Variants in COMMD6 observed in about 807,000 individuals in gnomAD.
COMMD6 encodes COMM domain containing 6.
Under a neutral mutation model 13.4 loss-of-function variants are expected in COMMD6, and 11 were observed. The observed-to-expected ratio is 0.82, with a 90% CI of 0.52 to 1.36. COMMD6 has a LOEUF of 1.36. Ranked by LOEUF, COMMD6 falls within the 40% of genes most tolerant of loss-of-function variation. The pLI is 0.00. For synonymous variants in COMMD6, 43 were observed against 36.5 expected, an observed-to-expected ratio of 1.18 and a Z score of -0.64; for missense variants, 124 against 102.4, an observed-to-expected ratio of 1.21 and a Z score of -0.91.
At chr13:75,533,637 A>G (rs2138418787) in intron 2 of COMMD6, among the ~76,000 whole-genome samples, 1 of 152,144 alleles carries the variant, frequency 6.6e-6, no homozygotes, top group South Asian at 2.1e-4. Context: ...CAATAATCCA[A>G]GTCTGAAGTT....
chr13:75,538,172 A>G (rs1050520769), upstream of COMMD6, among the ~76,000 whole-genome samples: 9 of 152,284 alleles, frequency 5.9e-5, no homozygotes, highest in African/African-American at 2.2e-4. Flanking sequence ...CCAAATTCGG[A>G]AGGCGCTGGG....
chr13:75,544,603 C>T (rs1410007626), intron 1 of COMMD6, among the ~76,000 whole-genome samples: 1 of 151,662 alleles, frequency 6.6e-6, no homozygotes, highest in Non-Finnish European at 1.5e-5. Context: ...TCTTTACTAA[C>T]AATACAAAAA....
chr13:75,536,101 G>A (rs1832661650), intron 2 of COMMD6, among the ~76,000 whole-genome samples: 1 of 152,030 alleles, frequency 6.6e-6, no homozygotes, highest in Non-Finnish European at 1.5e-5. Flanking sequence ...TGCCCATGCT[G>A]GTCTCAAACT....
At chr13:75,546,078 T>G (rs143770885) in intron 1 of COMMD6, among the ~76,000 whole-genome samples, 1 of 152,218 alleles carries the variant, frequency 6.6e-6, no homozygotes, top group Non-Finnish European at 1.5e-5. Context: ...TGTATGCCTA[T>G]ACCAAAGCAT....
At position 75,530,198 on chromosome 13, in the gene COMMD6, A is replaced by T. The variant is rs781317485; in HGVS notation, c.123T>A (p.Pro41=). ...SSDTCRSLKY[P]YVAVMLKVAD... is the part of the protein sequence containing the mutation. ...CCACTTTTAGCATCACTGCAACGTA[A>T]GGATACTTAAGAGATCTGCAAGTGT... The change falls in exon 3 of 4, where the codon CCT becomes CCA. Residue 41 remains proline (P), a synonymous_variant. Transcript: ENST00000682242. 1 of 1,613,686 alleles carries T rather than the reference A, an allele frequency of 6.2e-7. No homozygotes were observed. The highest frequency in any genetic ancestry group is 8.5e-7 in the Non-Finnish European group (1 of 1,179,622).
upstream of COMMD6, among the ~76,000 whole-genome samples, chr13:75,542,718 T>C (rs917997484): frequency 6.6e-6 from 1 of 152,232 alleles, no homozygotes; most frequent in African/African-American, 2.4e-5. Flanking sequence ...ATTCCTCAGA[T>C]GAGTCCAGTG....
chr13:75,526,530 C>T lies in COMMD6; in HGVS notation c.*59G>A, dbSNP rs1275433717. ...GTTCCATCCTTATTTAGTTTTGTTG[C>T]CGAAAGTGAAGTCCATGACTTTAGA... On this transcript the variant is annotated 3_prime_UTR_variant, in exon 4 of 4. Transcript: ENST00000682242. The T allele has an allele frequency of 1.7e-6, 2 of 1,157,710 alleles. No individual in the cohort carries two copies. Among genetic ancestry groups the T allele is most frequent in the African/African-American group, 1.6e-5 (1 of 63,548 alleles). 71.7% of individuals were successfully genotyped at this position (1,157,710 alleles called of 1,614,324 possible).
chr13:75,543,826 C>T (rs1014857099), intron 1 of COMMD6, among the ~76,000 whole-genome samples: 1 of 152,174 alleles, frequency 6.6e-6, no homozygotes, highest in East Asian at 1.9e-4. Context: ...ATATTCAATA[C>T]TCCAAAGAAG....
At chr13:75,545,846 ACTT>A (rs1160382353) in intron 1 of COMMD6, among the ~76,000 whole-genome samples, 1 of 151,992 alleles carries the variant, frequency 6.6e-6, no homozygotes, top group African/African-American at 2.4e-5. Context: ...GCATGCATGA[ACTT>A]CTTCATAGCT....
chr13:75,533,931 T>A (rs2030578408), intron 2 of COMMD6, among the ~76,000 whole-genome samples: 1 of 152,040 alleles, frequency 6.6e-6, no homozygotes, highest in Non-Finnish European at 1.5e-5. Flanking sequence ...TTAATTCCAG[T>A]TCAATAGTGA....
upstream of COMMD6, among the ~76,000 whole-genome samples, chr13:75,540,344 C>CCACACACA (rs59520333): frequency 0.032 from 4,707 of 147,296 alleles, 132 homozygotes; most frequent in Admixed American, 0.096. Flanking sequence ...ACACACACAC[C>CCACACACA]CACACACACA....
At chr13:75,538,191 C>T (rs1331596168), upstream of COMMD6, among the ~76,000 whole-genome samples, 3 of 152,202 alleles carry the variant, frequency 2.0e-5, no homozygotes, top group Admixed American at 1.3e-4. Flanking sequence ...GGCGACCGCA[C>T]CCCCGGCACA....
At chr13:75,542,955 C>T (rs186309072), upstream of COMMD6, among the ~76,000 whole-genome samples, 46 of 152,286 alleles carry the variant, frequency 3.0e-4, no homozygotes, top group East Asian at 5.0e-3. Context: ...AGTGGTGTAC[C>T]TGGATAAAGA....
intron 1 of COMMD6, among the ~76,000 whole-genome samples, chr13:75,544,455 G>A (rs2030871522): frequency 6.6e-6 from 1 of 152,100 alleles, no homozygotes; most frequent in Non-Finnish European, 1.5e-5. Flanking sequence ...AGGTTGAAGA[G>A]TCTAGTGTTA....
chr13:75,538,189 C>T (rs1012947614), upstream of COMMD6, among the ~76,000 whole-genome samples: 4 of 152,192 alleles, frequency 2.6e-5, no homozygotes, highest in Admixed American at 6.5e-5. Flanking sequence ...TGGGCGACCG[C>T]ACCCCCGGCA....
At chr13:75,537,977 G>T, upstream of COMMD6, 1 of 539,698 alleles carries the variant, frequency 1.9e-6, no homozygotes, top group African/African-American at 1.9e-5. Context: ...ATATATCTTA[G>T]GAGACATTGA....
At chr13:75,534,388 G>T (rs1447667182) in intron 2 of COMMD6, among the ~76,000 whole-genome samples, 1 of 152,184 alleles carries the variant, frequency 6.6e-6, no homozygotes, top group East Asian at 1.9e-4. Flanking sequence ...CTTCACAATT[G>T]AAAGAAAGCT....
In COMMD6 at chr13:75,537,684, G is replaced by C. The variant is rs202041987; in HGVS notation, c.43-9C>G. The C allele has an allele frequency of 1.1e-5, 17 of 1,614,022 alleles. No individual in the cohort carries two copies. Among genetic ancestry groups the C allele is most frequent in the Non-Finnish European group, 1.4e-5 (17 of 1,179,906 alleles). On this transcript the variant is annotated splice_polypyrimidine_tract_variant and intron_variant, in intron 1 of 3. Transcript: ENST00000682242. ...CCCACCTGGTTGGTGACCTGAAACG[G>C]AAGCAGAAACACAATTTAGAGAAAC...
At chr13:75,536,394 A>G (rs1254422523) in intron 2 of COMMD6, among the ~76,000 whole-genome samples, 1 of 152,194 alleles carries the variant, frequency 6.6e-6, no homozygotes, top group Non-Finnish European at 1.5e-5. Flanking sequence ...GCCCTCCCAA[A>G]TATGTCCACA....
Sources: gnomAD v4.1 joint callset for allele counts (sites outside exome capture counted in the v4.1 genomes callset) on GRCh38, gnomAD v4.1.1 for gene constraint, MANE v1.5 for transcripts, NCBI Gene and HGNC (gene_info 2026-07-23, HGNC 2026-07-21) for gene names.